Variants in NAV2 observed in about 807,000 individuals in gnomAD.
NAV2 encodes the protein helicase, APC down-regulated 1.
In NAV2, 54 loss-of-function variants were observed where a neutral mutation model predicts 223.2. The observed-to-expected ratio is 0.24, with a 90% CI of 0.19 to 0.30. The LOEUF is 0.30. Among genes scored for constraint, NAV2 ranks in the 10% least tolerant of loss-of-function variants. The probability of loss-of-function intolerance (pLI) is 1.00; values close to 1 mark genes in which losing one functional copy is unlikely to be tolerated. For synonymous variants in NAV2, 1,279 were observed against 1,239.3 expected (o/e 1.03, Z -0.67); for missense variants, 2,806 against 3,147.5 (o/e 0.89, Z 2.60).
At chr11:19,441,446 A>ACACG (rs1554933570) in intron 1 of NAV2, among the ~76,000 whole-genome samples, 35 of 124,080 alleles carry the variant, frequency 2.8e-4, no homozygotes, top group African/African-American at 1.0e-3. Flanking sequence ...ACACACACAC[A>ACACG]CGCACACACA....
At chr11:19,505,829 A>T (rs2134188331) in intron 1 of NAV2, 2 of 152,318 alleles carry the variant, frequency 1.3e-5, no homozygotes, top group East Asian at 3.9e-4. Context: ...AAAAATTGAA[A>T]GTGAGATGTT....
Position 19,879,885 on chromosome 11 carries a change from C to T in NAV2, c.528C>T (p.Asn176=), listed in dbSNP as rs769146579. 3.7e-6 allele frequency: 6 copies of T among 1,613,844 alleles called. No homozygotes were observed. The Admixed American group carries it at 5.0e-5, about 13-fold the overall frequency. The part of the protein sequence containing the change: ...GLSAEEIRNG[N]LKAILGLFFS... ...GTCTTGCAGAGATCAGGAATGGAAACCTCAAGGCCATTCTAGGCCTCTTCT... is the reference window on the plus strand; with the variant it reads ...GTCTTGCAGAGATCAGGAATGGAAATCTCAAGGCCATTCTAGGCCTCTTCT... The change falls in exon 5 of 38, where the codon AAC becomes AAT. Residue 176 remains asparagine (N), a synonymous_variant. Coordinates refer to ENST00000349880, the MANE Select transcript of NAV2 (RefSeq NM_145117.5).
chr11:19,382,066 C>T (rs762930320), intron 1 of NAV2, among the ~76,000 whole-genome samples: 17 of 152,200 alleles, frequency 1.1e-4, no homozygotes, highest in Admixed American at 5.9e-4. Flanking sequence ...GAGAAGACTC[C>T]TGGGCTTCCA....
chr11:19,660,194 G>T (rs2048238969), intron 1 of NAV2, among the ~76,000 whole-genome samples: 1 of 152,158 alleles, frequency 6.6e-6, no homozygotes, highest in Admixed American at 6.5e-5. Context: ...TATCAGGTTT[G>T]GTAGCACGGC....
chr11:20,064,866 G>A lies in NAV2; in HGVS notation c.4884+2507G>A, dbSNP rs147287753. Among the ~76,000 whole-genome samples the A allele has an allele frequency of 5.4e-3, 826 of 152,230 alleles. 8 individuals carry two copies. The highest frequency in any genetic ancestry group is 0.019 in the African/African-American group (774 of 41,532). ...CCATATGACTTTGGACAAGTCATCT[G>A]GTTATTCAGAGTGTCTCCCCAGTTT... is the stretch of plus-strand genomic sequence containing the variant. On this transcript the variant is annotated intron_variant, in intron 20 of 37. Transcript: ENST00000349880.
chr11:19,376,724 G>A (rs1057273959), intron 1 of NAV2, among the ~76,000 whole-genome samples: 2 of 152,208 alleles, frequency 1.3e-5, no homozygotes, highest in African/African-American at 4.8e-5. Context: ...ATAGTAAACT[G>A]TAACAAGTGC....
At position 20,027,296 on chromosome 11, in the gene NAV2, C is replaced by A. The variant is rs148085317; in HGVS notation, c.2769-8663C>A. The A allele has an allele frequency of 1.1e-3, 1,095 of 980,034 alleles. 1 individual carries two copies. The highest frequency in any genetic ancestry group is 2.6e-3 in the Middle Eastern group (5 of 1,888). 60.7% of individuals were successfully genotyped at this position (980,034 alleles called of 1,614,324 possible). On this transcript the variant is annotated intron_variant, in intron 11 of 37. Transcript: ENST00000349880. ...TCATCCACACCAAAGGATCTCGTTC[C>A]GCTCGGGCCCCGGGGTTTCACGGGA... is the stretch of plus-strand genomic sequence containing the variant.
intron 20 of NAV2, among the ~76,000 whole-genome samples, chr11:20,064,299 A>C (rs1469102036): frequency 1.3e-5 from 2 of 152,172 alleles, no homozygotes; most frequent in Non-Finnish European, 2.9e-5. Flanking sequence ...CTCTGGACTA[A>C]CCCCTAGGAT....
chr11:19,596,789 C>G (rs2046217257), intron 1 of NAV2, among the ~76,000 whole-genome samples: 1 of 152,258 alleles, frequency 6.6e-6, no homozygotes, highest in Non-Finnish European at 1.5e-5. Context: ...TGTAGAGCAC[C>G]TAGAATAACA....
At chr11:19,408,596 G>A (rs763888529) in intron 1 of NAV2, among the ~76,000 whole-genome samples, 5 of 152,016 alleles carry the variant, frequency 3.3e-5, no homozygotes, top group African/African-American at 4.8e-5. Flanking sequence ...ATATACTTAC[G>A]CCTGCCAGGT....
rs552156355 is a variant in NAV2, at chr11:20,047,933, A to G, written c.3903-795A>G. 5.3e-5 allele frequency among the ~76,000 whole-genome samples: 8 copies of G among 152,326 alleles called. No individual in the cohort carries two copies. The South Asian group carries it at 1.7e-3, about 32-fold the overall frequency. On this transcript the variant is annotated intron_variant, in intron 14 of 37. Transcript: ENST00000349880. ...ATTCTCTGACTTAAAGATAATTTCAACATTCTACCAGAGAGTTCTCTGCCA... is the reference window on the plus strand; with the variant it reads ...ATTCTCTGACTTAAAGATAATTTCAGCATTCTACCAGAGAGTTCTCTGCCA...
intron 1 of NAV2, among the ~76,000 whole-genome samples, chr11:19,560,271 C>G (rs1029715859): frequency 2.0e-5 from 3 of 152,070 alleles, no homozygotes; most frequent in Non-Finnish European, 2.9e-5. Flanking sequence ...TTAGACAAAC[C>G]CTGAGATTCC....
intron 26 of NAV2, among the ~76,000 whole-genome samples, chr11:20,085,877 G>A (rs1250961548): frequency 6.6e-6 from 1 of 152,170 alleles, no homozygotes; most frequent in Non-Finnish European, 1.5e-5. Flanking sequence ...CACTGACCAG[G>A]ACTCAAAGCC....
Position 20,080,148 on chromosome 11 carries a change from G to A in NAV2, c.5264G>A (p.Ser1755Asn). 1.9e-6 allele frequency: 3 copies of A among 1,614,126 alleles called. No homozygotes were observed. Among genetic ancestry groups the A allele is most frequent in the Non-Finnish European group, 2.5e-6 (3 of 1,179,992 alleles). The change falls in exon 25 of 38, where the codon AGC becomes AAC. Residue 1755 changes from serine to asparagine, a missense_variant. Coordinates refer to ENST00000349880, the MANE Select transcript of NAV2 (RefSeq NM_145117.5). ...DSVSSINSAT[S>N]HSSVGSNIES... ...GTCTCCAGCATCAACAGTGCCACCA[G>A]CCACTCCAGCGTGGGCAGCAACATA...
At chr11:19,728,083 A>G (rs1247901809) in intron 1 of NAV2, among the ~76,000 whole-genome samples, 7 of 152,184 alleles carry the variant, frequency 4.6e-5, no homozygotes, top group Non-Finnish European at 7.4e-5. Flanking sequence ...TTTGGCACCA[A>G]GAAGGTTTCT....
chr11:19,568,938 T>A (rs990575261), intron 1 of NAV2, among the ~76,000 whole-genome samples: 3 of 152,194 alleles, frequency 2.0e-5, no homozygotes, highest in Non-Finnish European at 2.9e-5. Context: ...ACAGGCAGCA[T>A]TGGAAGAAAG....
At chr11:19,841,164 T>C (rs540573018) in intron 2 of NAV2, among the ~76,000 whole-genome samples, 25 of 152,286 alleles carry the variant, frequency 1.6e-4, no homozygotes, top group Middle Eastern at 3.4e-3. Flanking sequence ...TCATAAACCT[T>C]AACATCTATT....
At chr11:19,652,558 C>T (rs998925509) in intron 1 of NAV2, among the ~76,000 whole-genome samples, 1 of 152,200 alleles carries the variant, frequency 6.6e-6, no homozygotes, top group Admixed American at 6.5e-5. Context: ...CCACTCCACG[C>T]CCACCACTGC....
intron 1 of NAV2, among the ~76,000 whole-genome samples, chr11:19,687,028 G>A (rs1242308805): frequency 6.6e-6 from 1 of 152,228 alleles, no homozygotes; most frequent in Non-Finnish European, 1.5e-5. Context: ...AGTGGCAGAG[G>A]TAGGGTTTCA....
Sources: allele counts gnomAD v4.1 joint callset (sites outside exome capture counted in the v4.1 genomes callset), GRCh38; gene constraint gnomAD v4.1.1; transcripts MANE v1.5; gene names NCBI Gene and HGNC (gene_info 2026-07-23, HGNC 2026-07-21).